Variants in DNAH5 observed in about 807,000 individuals in gnomAD.
The protein encoded by DNAH5 is dynein axonemal heavy chain 5, also known as axonemal beta dynein heavy chain 5.
Under a neutral mutation model 518.2 loss-of-function variants are expected in DNAH5, and 372 were observed. The ratio of observed to expected loss-of-function variants is 0.72; its 90% CI spans 0.66 to 0.78. The LOEUF is 0.78. Among genes scored for constraint, DNAH5 ranks in the 30% least tolerant of loss-of-function variants. The pLI, the probability that DNAH5 is intolerant of heterozygous loss-of-function variation, is 0.00. For missense variants in DNAH5, 5,523 were observed against 5,687.0 expected (o/e 0.97, Z 0.93); for synonymous variants, 2,039 against 2,025.9 (o/e 1.01, Z -0.17).
intron 75 of DNAH5, among the ~76,000 whole-genome samples, chr5:13,713,434 C>CATATATATATATATATATATAT (rs200836910): frequency 2.8e-5 from 2 of 70,662 alleles, no homozygotes; most frequent in African/African-American, 1.2e-4. Flanking sequence ...TATACATCGA[C>CATATATATATATATATATATAT]ATATATATAT....
At chr5:13,927,678 T>A (rs979147492) in intron 3 of DNAH5, among the ~76,000 whole-genome samples, 30 of 152,156 alleles carry the variant, frequency 2.0e-4, no homozygotes, top group African/African-American at 7.0e-4. Context: ...TGGCAATAAT[T>A]CCTATGTTAA....
Position 13,886,113 on chromosome 5 carries a change from C to T in DNAH5, c.2594G>A (p.Gly865Asp), listed in dbSNP as rs886060008. 1 of 1,587,484 alleles carries T rather than the reference C, an allele frequency of 6.3e-7. No homozygotes were observed. Among genetic ancestry groups the T allele is most frequent in the Non-Finnish European group, 8.6e-7 (1 of 1,169,550 alleles). ...GCTTTTAAAATGTAGTATTTGTGCACCATTTACACAAAGATCCTAACCAAA... is the reference window on the plus strand; with the variant it reads ...GCTTTTAAAATGTAGTATTTGTGCATCATTTACACAAAGATCCTAACCAAA... ...LQMTKDLCVN[G>D]AQILHFKSSL... The change falls in exon 18 of 79, where the codon GGT becomes GAT. Residue 865 changes from glycine to aspartate, a missense_variant. Gly to Asp is a moderately conservative substitution (Grantham distance 94, BLOSUM62 -1). This residue lies in a region of DNAH5 where 5,121 missense variants were observed against 5,223.3 expected (regional missense o/e 0.98). Transcript: ENST00000265104.
At chr5:13,820,590 C>T (rs540098016) in intron 40 of DNAH5, 91 bp from the exon 41 acceptor site, 49 of 1,461,516 alleles carry the variant, frequency 3.4e-5, no homozygotes, top group African/African-American at 4.2e-5. Context: ...TTTGGGAGGC[C>T]GAGGCGGGCA....
intron 76 of DNAH5, among the ~76,000 whole-genome samples, chr5:13,704,071 C>A (rs1266284910): frequency 6.6e-6 from 1 of 152,120 alleles, no homozygotes; most frequent in African/African-American, 2.4e-5. Context: ...CTGTCTGGAC[C>A]CAAGGATGCA....
At chr5:13,699,143 C>T (rs1258170008) in intron 78 of DNAH5, among the ~76,000 whole-genome samples, 1 of 152,198 alleles carries the variant, frequency 6.6e-6, no homozygotes, top group Non-Finnish European at 1.5e-5. Context: ...CCCTCTGCCA[C>T]GAAAAGTCTA....
chr5:13,769,860 AG>A (rs1479604824), intron 56 of DNAH5, among the ~76,000 whole-genome samples: 1 of 152,246 alleles, frequency 6.6e-6, no homozygotes, highest in African/African-American at 2.4e-5. Context: ...ACATGAAATT[AG>A]GAACGACAGT....
Position 13,792,114 on chromosome 5 carries a change from C to A in DNAH5, c.8328G>T (p.Met2776Ile). The A allele has an allele frequency of 6.2e-7, 1 of 1,613,980 alleles. No homozygotes were observed. Among genetic ancestry groups the A allele is most frequent in the Non-Finnish European group, 8.5e-7 (1 of 1,179,978 alleles). ...GGGTAGGAAGCATTTTAATCTTGGTCATCTGCCATAGTCGGCGTGTCAGAG... is the reference window on the plus strand; with the variant it reads ...GGGTAGGAAGCATTTTAATCTTGGTAATCTGCCATAGTCGGCGTGTCAGAG... The part of the protein sequence containing the change: ...LVPLTRRLWQ[M>I]TKIKMLPTPA... Residue 2776 changes from methionine (M) to isoleucine (I), a missense_variant, in exon 50 of 79, where the codon ATG (methionine) becomes ATT (isoleucine). By Grantham distance (10) the Met-to-Ile change is conservative (BLOSUM62 1). Transcript: ENST00000265104.
chr5:13,788,584 C>T (rs1042219320), intron 51 of DNAH5, 132 bp downstream of exon 51: 64 of 754,020 alleles, frequency 8.5e-5, no homozygotes, highest in Non-Finnish European at 1.3e-4. Flanking sequence ...TGAGCATCTA[C>T]TGTGTCTCAG....
intron 1 of DNAH5, among the ~76,000 whole-genome samples, chr5:13,933,819 A>G (rs1056920347): frequency 2.6e-5 from 4 of 150,968 alleles, no homozygotes; most frequent in Admixed American, 6.6e-5. Flanking sequence ...ACTAAGGATG[A>G]ATGTGCAAAG....
At chr5:13,903,579 A>G (rs1314433629) in intron 12 of DNAH5, among the ~76,000 whole-genome samples, 3 of 151,966 alleles carry the variant, frequency 2.0e-5, no homozygotes, top group Admixed American at 6.6e-5. Flanking sequence ...TAATAGTAAT[A>G]TTAATATTAA....
At chr5:13,704,800 A>G (rs1333056615) in intron 76 of DNAH5, among the ~76,000 whole-genome samples, 1 of 152,182 alleles carries the variant, frequency 6.6e-6, no homozygotes, top group Non-Finnish European at 1.5e-5. Context: ...TCTTACCTAT[A>G]TGTGGAGCCT....
At chr5:13,710,887 C>T (rs1743396539) in intron 75 of DNAH5, among the ~76,000 whole-genome samples, 1 of 152,070 alleles carries the variant, frequency 6.6e-6, no homozygotes, top group African/African-American at 2.4e-5. Flanking sequence ...AAATTACCAA[C>T]ATAAAAAAAT....
chr5:13,785,361 G>A (rs1361607240), intron 52 of DNAH5, among the ~76,000 whole-genome samples: 1 of 152,224 alleles, frequency 6.6e-6, no homozygotes, highest in East Asian at 1.9e-4. Context: ...ACACATACTG[G>A]TCTGCGGCCC....
chr5:13,942,740 GCACTTTCCTATC>G (rs1211909813), intron 1 of DNAH5, among the ~76,000 whole-genome samples: 1 of 151,910 alleles, frequency 6.6e-6, no homozygotes, highest in African/African-American at 2.4e-5. Context: ...TCTCCTCTAA[GCACTTTCCTATC>G]CACTGACCCC....
chr5:13,742,389 G>C (rs556399760), intron 65 of DNAH5, among the ~76,000 whole-genome samples: 1 of 152,092 alleles, frequency 6.6e-6, no homozygotes, highest in African/African-American at 2.4e-5. Context: ...TGGTCTTCCT[G>C]CTGACCCTTT....
intron 78 of DNAH5, among the ~76,000 whole-genome samples, chr5:13,699,019 G>A (rs75368639): frequency 0.027 from 4,180 of 152,196 alleles, 289 homozygotes; most frequent in East Asian, 0.26. Flanking sequence ...TCAGCTCCAC[G>A]AGAATGGGAA....
At chr5:13,712,468 T>G (rs1384646396) in intron 75 of DNAH5, among the ~76,000 whole-genome samples, 1 of 152,076 alleles carries the variant, frequency 6.6e-6, no homozygotes, top group Non-Finnish European at 1.5e-5. Context: ...AGATATATAG[T>G]TGGGACCTAA....
rs2126702377 is a variant in DNAH5, at chr5:13,753,557, A to T, written c.10556-8T>A. 1.2e-6 allele frequency: 2 copies of T among 1,609,964 alleles called. No individual in the cohort carries two copies. Among genetic ancestry groups the T allele is most frequent in the Non-Finnish European group, 1.7e-6 (2 of 1,177,174 alleles). ...TAGCCAACAGTACATCCCCTAAAAT[A>T]GAAAACAAACACCATTGAAATACTT... On this transcript the variant is annotated splice_polypyrimidine_tract_variant and splice_region_variant and intron_variant, in intron 62 of 78. Transcript: ENST00000265104.
Position 13,823,306 on chromosome 5 carries a change from T to C in DNAH5, c.6644A>G (p.Asp2215Gly). 6.2e-7 allele frequency: 1 copy of C among 1,613,982 alleles called. No individual in the cohort carries two copies. The highest frequency in any genetic ancestry group is 8.5e-7 in the Non-Finnish European group (1 of 1,179,902). Reference sequence around the variant, plus strand: ...TTCCAGTTCAGGGTAACCTGCCTTGTCCAGAAGAATATTTGGAAAGAGATC... The same window carrying C: ...TTCCAGTTCAGGGTAACCTGCCTTGCCCAGAAGAATATTTGGAAAGAGATC... Reference protein sequence around the residue: ...IEDLFPNILLDKAGYPELEAA... With the variant: ...IEDLFPNILLGKAGYPELEAA... Residue 2215 changes from aspartate (D) to glycine (G), a missense_variant, in exon 40 of 79, where the codon GAC becomes GGC. Physicochemically the swap from Asp to Gly is moderately conservative, Grantham distance 94. Around this residue, in one of 3 missense-constraint regions of DNAH5, gnomAD observed 5,121 missense variants for 5,223.3 expected, o/e 0.98. Transcript: ENST00000265104.
Sources: allele counts gnomAD v4.1 joint callset (sites outside exome capture counted in the v4.1 genomes callset), GRCh38; gene constraint gnomAD v4.1.1; regional missense constraint gnomAD v4.1.1; transcripts MANE v1.5; gene names NCBI Gene and HGNC (gene_info 2026-07-23, HGNC 2026-07-21).